Variants in ANKRD26 observed in about 807,000 individuals in gnomAD.
ANKRD26 encodes ankyrin repeat domain 26.
Under a neutral mutation model 208.7 loss-of-function variants are expected in ANKRD26, and 141 were observed. That is an observed-to-expected ratio of 0.68 (90% CI 0.59 to 0.78). The LOEUF is 0.78. ANKRD26 is among the 30% of genes least tolerant of loss of function. The probability of loss-of-function intolerance (pLI) is 0.00; values close to 1 mark genes in which losing one functional copy is unlikely to be tolerated. For missense variants in ANKRD26, 1,889 were observed against 1,938.7 expected (o/e 0.97, Z 0.48); for synonymous variants, 636 against 660.4 (o/e 0.96, Z 0.57).
Position 27,035,508 on chromosome 10 carries a change from A to C in ANKRD26, c.2942T>G (p.Leu981Arg). ...ATTTAGCATTGCATTCTCAGCTGTC[A>C]GAACACTAAGCCGTCCATTATACTG... Reference protein sequence around the residue: ...ISQYNGRLSVLTAENAMLNSK... With the variant: ...ISQYNGRLSVRTAENAMLNSK... Residue 981 changes from leucine to arginine, a missense_variant, in exon 24 of 34, where the codon CTG becomes CGG. By Grantham distance (102) the Leu-to-Arg change is moderately radical. Transcript: ENST00000376087. 1 of 1,614,056 alleles carries C rather than the reference A, an allele frequency of 6.2e-7. No individual in the cohort carries two copies. Among genetic ancestry groups the C allele is most frequent in the Non-Finnish European group, 8.5e-7 (1 of 1,179,944 alleles).
Position 27,006,979 on chromosome 10 carries a change from G to C in ANKRD26, c.4954-17C>G. The C allele has an allele frequency of 6.3e-7, 1 of 1,578,974 alleles. No individual in the cohort carries two copies. The highest frequency in any genetic ancestry group is 1.1e-5 in the South Asian group (1 of 90,166). ...CTGCTGCATCTGAAAAAAGTCAAAT[G>C]TTATTTATAATGTTTAAGTTAGACA... On this transcript the variant is annotated splice_polypyrimidine_tract_variant and intron_variant, in intron 32 of 33. Coordinates refer to ENST00000376087, the MANE Select transcript of ANKRD26 (RefSeq NM_014915.3).
intron 28 of ANKRD26, among the ~76,000 whole-genome samples, chr10:27,023,577 T>C (rs890027512): frequency 7.2e-5 from 11 of 151,768 alleles, no homozygotes; most frequent in Non-Finnish European, 1.0e-4. Flanking sequence ...AGAAAGGAAA[T>C]GAGCAGAGAA....
At chr10:26,948,994 TA>T in the ANKRD26 span, among the ~76,000 whole-genome samples, 1 of 151,600 alleles carries the variant, frequency 6.6e-6, no homozygotes, top group Non-Finnish European at 1.5e-5. Context: ...AAACGCCATC[TA>T]AAAAAAATGC....
chr10:27,018,511 C>T (rs1389123333), intron 29 of ANKRD26, among the ~76,000 whole-genome samples: 1 of 151,970 alleles, frequency 6.6e-6, no homozygotes, highest in Non-Finnish European at 1.5e-5. Context: ...AAAAAAGGCT[C>T]CCAGAATAAG....
intron 4 of ANKRD26, among the ~76,000 whole-genome samples, chr10:27,087,773 C>T (rs1348857556): frequency 5.9e-5 from 9 of 152,132 alleles, no homozygotes; most frequent in Non-Finnish European, 1.2e-4. Flanking sequence ...TTCCAACTGA[C>T]GTGGAAAACA....
rs761015896 is a variant in ANKRD26, at chr10:27,092,498, T to C, written c.546A>G (p.Pro182=). The change falls in exon 4 of 34, where the codon CCA becomes CCG. Residue 182 remains proline, a synonymous_variant. Coordinates refer to ENST00000376087, the MANE Select transcript of ANKRD26 (RefSeq NM_014915.3). ...IEAKNKDDLT[P]LLLAVSGKKQ... ...TTTTTCCACTTACTGCAAGTAAAAG[T>C]GGTGTGAGGTCATCCTGTAAGACAG... 2 of 1,613,348 alleles carry C rather than the reference T, an allele frequency of 1.2e-6. No individual in the cohort carries two copies. The highest frequency in any genetic ancestry group is 1.7e-6 in the Non-Finnish European group (2 of 1,179,702).
chr10:26,989,979 C>T (rs1036180592), downstream of ANKRD26, among the ~76,000 whole-genome samples: 5 of 152,024 alleles, frequency 3.3e-5, no homozygotes, highest in Non-Finnish European at 5.9e-5. Flanking sequence ...AGAGAGTTCT[C>T]GGTTAGCATA....
At chr10:26,972,221 C>T (rs868623138), downstream of ANKRD26, among the ~76,000 whole-genome samples, 1 of 140,888 alleles carries the variant, frequency 7.1e-6, no homozygotes, top group Non-Finnish European at 1.5e-5. Flanking sequence ...GGCGACAGAG[C>T]GAGACTCCGT....
Position 27,061,179 on chromosome 10 carries a change from T to C in ANKRD26, c.1427A>G (p.Asp476Gly). 1 of 1,612,844 alleles carries C rather than the reference T, an allele frequency of 6.2e-7. No homozygotes were observed. Among genetic ancestry groups the C allele is most frequent in the Non-Finnish European group, 8.5e-7 (1 of 1,179,142 alleles). The change falls in exon 13 of 34, where the codon GAT becomes GGT. Residue 476 changes from aspartate to glycine, a missense_variant. Around this residue, in one of 3 missense-constraint regions of ANKRD26, gnomAD observed 1,272 missense variants for 1,273.8 expected, o/e 1.00. Coordinates refer to ENST00000376087, the MANE Select transcript of ANKRD26 (RefSeq NM_014915.3). ...TACTGGCATGCCTACATTTCTTGTA[T>C]CCTCTAGTTTAGCCATCTTAAAGTT... ...SRNFKMAKLE[D>G]TRNVGMPVAH... is the part of the protein sequence containing the mutation.
At chr10:27,084,737 C>T (rs1467074602) in intron 5 of ANKRD26, among the ~76,000 whole-genome samples, 7 of 151,850 alleles carry the variant, frequency 4.6e-5, no homozygotes, top group African/African-American at 2.4e-5. Context: ...GGCATGGTGG[C>T]GGGCACCTGT....
At chr10:27,027,696 A>T (rs1564367081) in intron 27 of ANKRD26, among the ~76,000 whole-genome samples, 1 of 152,202 alleles carries the variant, frequency 6.6e-6, no homozygotes, top group Non-Finnish European at 1.5e-5. Context: ...TACAATAAAT[A>T]TTTTTATCAA....
chr10:27,050,712 T>C (rs1248688021), intron 16 of ANKRD26, among the ~76,000 whole-genome samples: 1 of 152,148 alleles, frequency 6.6e-6, no homozygotes, highest in African/African-American at 2.4e-5. Flanking sequence ...AATTCATCTT[T>C]AAGAAAATAG....
intron 18 of ANKRD26, chr10:27,046,145 G>C: frequency 1.8e-6 from 1 of 559,514 alleles, no homozygotes; most frequent in South Asian, 2.2e-5. Flanking sequence ...CTCAAACGCC[G>C]TCTGTGCCCA....
chr10:27,092,274 G>C (rs1326641057), intron 4 of ANKRD26, 132 bp downstream of exon 4: 14 of 671,162 alleles, frequency 2.1e-5, no homozygotes, highest in Non-Finnish European at 2.3e-5. Flanking sequence ...ACTTGAGTGA[G>C]AAACACCAAC....
chr10:27,094,389 C>A lies in ANKRD26; in HGVS notation c.243-590G>T, dbSNP rs182728893. ...ACTCACCACATTAATGAAAGAGCAACCTATCTGAATAGAAAAGGCTTGACC... is the reference window on the plus strand; with the variant it reads ...ACTCACCACATTAATGAAAGAGCAAACTATCTGAATAGAAAAGGCTTGACC... On this transcript the variant is annotated intron_variant, in intron 1 of 33. Transcript: ENST00000376087. Among the ~76,000 whole-genome samples, 12 of 152,250 alleles carry A rather than the reference C, an allele frequency of 7.9e-5. No homozygotes were observed. In the East Asian group the frequency reaches 2.3e-3, roughly 29 times the overall value.
intron 27 of ANKRD26, among the ~76,000 whole-genome samples, chr10:27,025,989 G>C (rs2053645811): frequency 6.6e-6 from 1 of 152,158 alleles, no homozygotes; most frequent in Admixed American, 6.5e-5. Context: ...CTCATCTTGT[G>C]TGGGCACACT....
At chr10:27,086,883 T>C (rs571652564) in intron 4 of ANKRD26, among the ~76,000 whole-genome samples, 2 of 150,176 alleles carry the variant, frequency 1.3e-5, no homozygotes, top group East Asian at 4.0e-4. Flanking sequence ...GTGATTCTCC[T>C]GCCTCAGCCT....
downstream of ANKRD26, among the ~76,000 whole-genome samples, chr10:26,970,241 T>C (rs115798878): frequency 0.02 from 2,989 of 152,220 alleles, 72 homozygotes; most frequent in African/African-American, 0.069. Context: ...AAATCACATC[T>C]TGAATTATAA....
chr10:26,978,107 A>G (rs978488973), intron 5 of ANKRD26, among the ~76,000 whole-genome samples: 3 of 152,182 alleles, frequency 2.0e-5, no homozygotes, highest in Non-Finnish European at 2.9e-5. Context: ...ATCGCAAACC[A>G]TTCTGAGCAA....
Sources: gnomAD v4.1 joint callset for allele counts (sites outside exome capture counted in the v4.1 genomes callset) on GRCh38, gnomAD v4.1.1 for gene constraint, gnomAD v4.1.1 regional missense constraint, MANE v1.5 for transcripts, NCBI Gene and HGNC (gene_info 2026-07-23, HGNC 2026-07-21) for gene names.